HDAC9: variants seen among roughly 807,000 people sequenced by gnomAD.
The protein encoded by HDAC9 is histone deacetylase 9, also known as MEF-2 interacting transcription repressor (MITR) protein.
In HDAC9, 41 loss-of-function variants were observed where a neutral mutation model predicts 139.4. The ratio of observed to expected loss-of-function variants is 0.29; its 90% CI spans 0.23 to 0.38. The LOEUF (loss-of-function observed/expected upper bound fraction) is 0.38, where lower values mean the gene tolerates loss of function less well. HDAC9 is among the 10% of genes least tolerant of loss of function. HDAC9 has a pLI of 1.00. For missense variants in HDAC9, 1,147 were observed against 1,297.0 expected, an observed-to-expected ratio of 0.88 and a Z score of 1.78; for synonymous variants, 517 against 476.2, an observed-to-expected ratio of 1.09 and a Z score of -1.12.
intron 13 of HDAC9, among the ~76,000 whole-genome samples, chr7:18,734,765 C>T (rs1278302338): frequency 6.6e-6 from 1 of 152,200 alleles, no homozygotes; most frequent in Admixed American, 6.5e-5. Flanking sequence ...AATGGGATCA[C>T]TAGGTCAAAT....
chr7:18,096,249 C>T (rs1584012865), intron 1 of HDAC9, among the ~76,000 whole-genome samples: 1 of 152,166 alleles, frequency 6.6e-6, no homozygotes, highest in Non-Finnish European at 1.5e-5. Context: ...AGTACAGGTA[C>T]TTTTGCCTGC....
intron 25 of HDAC9, among the ~76,000 whole-genome samples, chr7:18,982,851 T>C (rs1241798638): frequency 2.0e-5 from 3 of 152,202 alleles, no homozygotes; most frequent in Non-Finnish European, 4.4e-5. Flanking sequence ...CTCCAGTGTA[T>C]TAATACACCC....
intron 2 of HDAC9, among the ~76,000 whole-genome samples, chr7:18,506,499 T>C (rs1799801342): frequency 6.6e-6 from 1 of 152,186 alleles, no homozygotes. Flanking sequence ...TAAGAATGAT[T>C]CTATTATTGA....
At chr7:18,355,067 T>G (rs1437823431) in intron 1 of HDAC9, among the ~76,000 whole-genome samples, 1 of 152,230 alleles carries the variant, frequency 6.6e-6, no homozygotes, top group East Asian at 1.9e-4. Flanking sequence ...CCAGTCTTTA[T>G]TCTCAAACAG....
At chr7:18,907,592 G>A (rs1365988819) in intron 22 of HDAC9, among the ~76,000 whole-genome samples, 2 of 152,178 alleles carry the variant, frequency 1.3e-5, no homozygotes, top group Non-Finnish European at 2.9e-5. Flanking sequence ...CAGGCTTTCT[G>A]GGAAGGGCCA....
In HDAC9 at chr7:18,937,030, ATTTTT is replaced by A. The variant is rs768350029; in HGVS notation, c.2937+1109_2937+1113del. Among the ~76,000 whole-genome samples, 13 of 96,698 alleles carry A rather than the reference ATTTTT, an allele frequency of 1.3e-4. No individual in the cohort carries two copies. The South Asian group carries it at 2.2e-3, about 17-fold the overall frequency. 63.4% of individuals were successfully genotyped at this position (96,698 alleles called of 152,430 possible). On this transcript the variant is annotated intron_variant, in intron 23 of 25. Transcript: ENST00000686413. ...TTGCTCAAGTACTTTGCTCTTGTTA[ATTTTT>A]TTTTTTTTTTTTTTTTTTTTCTGAG...
At chr7:18,168,018 C>T (rs1453886932) in intron 2 of HDAC9, among the ~76,000 whole-genome samples, 2 of 152,190 alleles carry the variant, frequency 1.3e-5, no homozygotes, top group African/African-American at 4.8e-5. Flanking sequence ...AGCTCACCAA[C>T]ATTTCTAAGA....
chr7:18,930,619 TA>T (rs5882685), intron 22 of HDAC9, among the ~76,000 whole-genome samples: 26 of 151,558 alleles, frequency 1.7e-4, no homozygotes, highest in East Asian at 1.2e-3. Context: ...ATAATAAAAT[TA>T]AAAAAAAATA....
chr7:18,128,195 C>G lies in HDAC9; in HGVS notation c.-96-34034C>G, dbSNP rs569765265. On this transcript the variant is annotated intron_variant, in intron 1 of 12. Coordinates refer to the HDAC9 transcript ENST00000417496. ...AACTTGTACCTTTACCAAAAAATCTCAGAGACTGGCTTGGAAACCACTGGG... is the reference window on the plus strand; with the variant it reads ...AACTTGTACCTTTACCAAAAAATCTGAGAGACTGGCTTGGAAACCACTGGG... 9.3e-4 allele frequency among the ~76,000 whole-genome samples: 142 copies of G among 152,196 alleles called. 1 individual carries two copies. The highest frequency in any genetic ancestry group is 3.3e-3 in the African/African-American group (136 of 41,534).
intron 23 of HDAC9, among the ~76,000 whole-genome samples, chr7:18,936,793 A>G (rs10270212): frequency 0.032 from 4,831 of 152,230 alleles, 240 homozygotes; most frequent in African/African-American, 0.11. Flanking sequence ...TCTATCATTC[A>G]TATCATTTTT....
At chr7:18,165,429 T>C (rs1049124260) in intron 2 of HDAC9, among the ~76,000 whole-genome samples, 1 of 152,166 alleles carries the variant, frequency 6.6e-6, no homozygotes, top group East Asian at 1.9e-4. Flanking sequence ...CTCAAGTAAA[T>C]GTTTCTCTTG....
intron 2 of HDAC9, among the ~76,000 whole-genome samples, chr7:18,244,269 A>G (rs1320716432): frequency 3.3e-5 from 5 of 152,172 alleles, no homozygotes; most frequent in Non-Finnish European, 5.9e-5. Flanking sequence ...AAAAAATTTC[A>G]GGGCCAAACA....
At chr7:18,736,164 A>G (rs949079961) in intron 13 of HDAC9, among the ~76,000 whole-genome samples, 2 of 152,214 alleles carry the variant, frequency 1.3e-5, no homozygotes, top group African/African-American at 4.8e-5. Context: ...TAAATATACA[A>G]TCATGTCATC....
intron 2 of HDAC9, among the ~76,000 whole-genome samples, chr7:18,568,167 G>A (rs1823088113): frequency 6.6e-6 from 1 of 151,362 alleles, no homozygotes; most frequent in Non-Finnish European, 1.5e-5. Flanking sequence ...TCTATTTGTA[G>A]CTTATTGAAG....
chr7:18,425,502 T>C (rs542638091), intron 1 of HDAC9, among the ~76,000 whole-genome samples: 6 of 152,186 alleles, frequency 3.9e-5, no homozygotes, highest in Non-Finnish European at 5.9e-5. Flanking sequence ...ATGAAGCTTG[T>C]CAACTAAATT....
intron 3 of HDAC9, 79 bp from the exon 4 acceptor site, chr7:18,590,257 A>G (rs1339755950): frequency 1.6e-5 from 23 of 1,439,976 alleles, no homozygotes; most frequent in East Asian, 9.3e-5. Flanking sequence ...CCAAAAGCTC[A>G]TAACATTTCA....
chr7:18,235,268 A>C (rs1793739910), intron 2 of HDAC9, among the ~76,000 whole-genome samples: 1 of 152,210 alleles, frequency 6.6e-6, no homozygotes, highest in African/African-American at 2.4e-5. Context: ...GACTATCACT[A>C]TATTGAAGTT....
intron 24 of HDAC9, among the ~76,000 whole-genome samples, chr7:18,958,511 A>G (rs1358327272): frequency 1.3e-5 from 2 of 152,222 alleles, no homozygotes; most frequent in Non-Finnish European, 2.9e-5. Flanking sequence ...TTGTATAGAC[A>G]TAAAGTAGAA....
intron 1 of HDAC9, among the ~76,000 whole-genome samples, chr7:18,138,921 A>G (rs1290828722): frequency 6.6e-6 from 1 of 152,090 alleles, no homozygotes; most frequent in East Asian, 1.9e-4. Flanking sequence ...AGACATGGTA[A>G]TCTCAACAAA....
Sources: allele counts gnomAD v4.1 joint callset (sites outside exome capture counted in the v4.1 genomes callset), GRCh38; gene constraint gnomAD v4.1.1; transcripts MANE v1.5; gene names NCBI Gene and HGNC (gene_info 2026-07-23, HGNC 2026-07-21).